The following CPHXL2 variants were observed in gnomAD, a reference collection of about 807,000 sequenced individuals.
The protein encoded by CPHXL2 is cytoplasmic polyadenylated homeobox-like protein 2.
the CPHXL2 span, among the ~76,000 whole-genome samples, chr16:75,665,012 C>T: frequency 6.6e-6 from 1 of 152,142 alleles, no homozygotes; most frequent in Non-Finnish European, 1.5e-5. Context: ...TTCTAAGCAA[C>T]AGAAAAGGCA....
chr16:75,676,485 C>G, the CPHXL2 span, among the ~76,000 whole-genome samples: 1 of 152,064 alleles, frequency 6.6e-6, no homozygotes. Context: ...CCACACCTGG[C>G]CAATTTTTAT....
At chr16:75,673,998 A>T in the CPHXL2 span, among the ~76,000 whole-genome samples, 6 of 140,708 alleles carry the variant, frequency 4.3e-5, no homozygotes, top group African/African-American at 1.1e-4. Context: ...AAAAAAAGAT[A>T]AAAAAAAAAG....
chr16:75,667,059 C>G, the CPHXL2 span, among the ~76,000 whole-genome samples: 1 of 152,210 alleles, frequency 6.6e-6, no homozygotes, highest in East Asian at 1.9e-4. Context: ...CACCTGTAAT[C>G]CCAGCACTTT....
chr16:75,665,281 G>C, the CPHXL2 span, among the ~76,000 whole-genome samples: 1 of 152,302 alleles, frequency 6.6e-6, no homozygotes, highest in East Asian at 1.9e-4. Context: ...ATTAACAGCA[G>C]ATTTCTCACC....
chr16:75,667,130 G>T, the CPHXL2 span, among the ~76,000 whole-genome samples: 2 of 151,870 alleles, frequency 1.3e-5, no homozygotes, highest in Non-Finnish European at 2.9e-5. Context: ...TGGCCAATAT[G>T]GTGAAACCCT....
At chr16:75,666,985 G>C in the CPHXL2 span, among the ~76,000 whole-genome samples, 10 of 152,132 alleles carry the variant, frequency 6.6e-5, no homozygotes, top group African/African-American at 2.4e-4. Context: ...ATGATCATTG[G>C]GTCAACAGTG....
At chr16:75,676,523 T>C in the CPHXL2 span, among the ~76,000 whole-genome samples, 2 of 152,156 alleles carry the variant, frequency 1.3e-5, no homozygotes, top group Non-Finnish European at 2.9e-5. Flanking sequence ...GGTCTTGCTA[T>C]GTTGCCTAGG....
the CPHXL2 span, among the ~76,000 whole-genome samples, chr16:75,664,524 C>G: frequency 6.7e-6 from 1 of 148,256 alleles, no homozygotes; most frequent in Non-Finnish European, 1.5e-5. Context: ...ACTTGGGAGG[C>G]TAAGGCAGGA....
the CPHXL2 span, chr16:75,669,402 T>C: frequency 1.7e-5 from 7 of 400,694 alleles, no homozygotes; most frequent in African/African-American, 4.1e-5. Flanking sequence ...TGTTGGCCAG[T>C]GTTTTCCTAG....
chr16:75,662,335 CTTTTTTT>C, the CPHXL2 span, among the ~76,000 whole-genome samples: 3 of 126,762 alleles, frequency 2.4e-5, no homozygotes, highest in Non-Finnish European at 4.9e-5. Context: ...TCTTTCTTTT[CTTTTTTT>C]TTTTTTTTTT....
chr16:75,674,892 T>A, the CPHXL2 span, among the ~76,000 whole-genome samples: 1 of 151,838 alleles, frequency 6.6e-6, no homozygotes, highest in Non-Finnish European at 1.5e-5. Flanking sequence ...GTATTTTTAA[T>A]AGAGATGGGG....
the CPHXL2 span, among the ~76,000 whole-genome samples, chr16:75,673,834 G>C: frequency 6.6e-6 from 1 of 151,856 alleles, no homozygotes; most frequent in African/African-American, 2.4e-5. Flanking sequence ...CAAAAAATTA[G>C]CTGGATGCAG....
At chr16:75,664,907 C>A in the CPHXL2 span, among the ~76,000 whole-genome samples, 1 of 152,210 alleles carries the variant, frequency 6.6e-6, no homozygotes, top group African/African-American at 2.4e-5. Context: ...AGAAAACTCT[C>A]ACCAGATGCA....
the CPHXL2 span, chr16:75,669,341 A>G: frequency 2.5e-6 from 1 of 400,320 alleles, no homozygotes; most frequent in South Asian, 1.3e-4. Flanking sequence ...TCTAAGAAAC[A>G]TGCATACGAG....
At chr16:75,667,332 T>A in the CPHXL2 span, among the ~76,000 whole-genome samples, 11 of 149,800 alleles carry the variant, frequency 7.3e-5, no homozygotes, top group African/African-American at 2.3e-4. Context: ...AAAAAAAAAT[T>A]AGAAAAAAAT....
chr16:75,663,142 C>T, the CPHXL2 span, among the ~76,000 whole-genome samples: 2 of 152,156 alleles, frequency 1.3e-5, no homozygotes, highest in Non-Finnish European at 2.9e-5. Context: ...GGGTAAGTTA[C>T]TTGCATAATC....
chr16:75,660,294 G>A, the CPHXL2 span: 1 of 398,484 alleles, frequency 2.5e-6, no homozygotes, highest in African/African-American at 2.1e-5. Context: ...GGTTCCTGTG[G>A]CAGGCCCGTG....
chr16:75,666,246 A>C, the CPHXL2 span, among the ~76,000 whole-genome samples: 1 of 152,150 alleles, frequency 6.6e-6, no homozygotes, highest in Admixed American at 6.5e-5. Flanking sequence ...TCCTAAATAT[A>C]TATGCACCTA....
chr16:75,672,376 C>T, the CPHXL2 span, among the ~76,000 whole-genome samples: 2 of 151,960 alleles, frequency 1.3e-5, 1 homozygote, highest in Non-Finnish European at 2.9e-5. Flanking sequence ...TAAATTGAAC[C>T]AGGGCATTCA....
Sources: gnomAD v4.1 joint callset for allele counts (sites outside exome capture counted in the v4.1 genomes callset) on GRCh38, gnomAD v4.1.1 for gene constraint, MANE v1.5 for transcripts, NCBI Gene and HGNC (gene_info 2026-07-23, HGNC 2026-07-21) for gene names.